Variants in SLC25A16 observed in about 807,000 individuals in gnomAD.
SLC25A16 encodes the protein solute carrier family 25 member 16, also known as mitochondrial coenzyme A transporter SLC25A16.
A neutral mutation model predicts 41.5 loss-of-function variants in SLC25A16; 39 were observed. That is an observed-to-expected ratio of 0.94 (90% CI 0.73 to 1.23). The LOEUF (loss-of-function observed/expected upper bound fraction) is 1.23, where lower values mean the gene tolerates loss of function less well. Ranked by LOEUF, SLC25A16 falls within the 50% of genes most tolerant of loss-of-function variation. SLC25A16 has a pLI of 0.00. For synonymous variants in SLC25A16, 146 were observed against 147.8 expected (o/e 0.99, Z 0.09); for missense variants, 421 against 426.9 (o/e 0.99, Z 0.12).
intron 3 of SLC25A16, among the ~76,000 whole-genome samples, chr10:68,505,339 T>A (rs963622799): frequency 1.3e-5 from 2 of 149,452 alleles, no homozygotes; most frequent in African/African-American, 4.9e-5. Context: ...ACAGAGAAAC[T>A]ATCTCAAAAA....
chr10:68,497,991 T>A (rs1169926954), intron 4 of SLC25A16, among the ~76,000 whole-genome samples: 1 of 152,130 alleles, frequency 6.6e-6, no homozygotes, highest in East Asian at 1.9e-4. Context: ...TCCTCCCTCC[T>A]TAGCCTCCCA....
chr10:68,509,264 G>A (rs1466022446), intron 2 of SLC25A16, among the ~76,000 whole-genome samples: 2 of 152,112 alleles, frequency 1.3e-5, no homozygotes, highest in African/African-American at 4.8e-5. Context: ...TTGAACCCGG[G>A]AGGTGGAGGT....
intron 2 of SLC25A16, 143 bp from the exon 3 acceptor site, chr10:68,506,861 AAC>A: frequency 2.0e-6 from 1 of 503,708 alleles, no homozygotes; most frequent in Non-Finnish European, 3.4e-6. Context: ...ATTTCTATAA[AAC>A]AGTTAAACCT....
chr10:68,500,752 G>T (rs1458450763), intron 4 of SLC25A16, among the ~76,000 whole-genome samples: 1 of 151,158 alleles, frequency 6.6e-6, no homozygotes, highest in Non-Finnish European at 1.5e-5. Context: ...CCAACATATT[G>T]AAACCCCCAT....
intron 1 of SLC25A16, among the ~76,000 whole-genome samples, chr10:68,518,538 G>A (rs939707826): frequency 6.6e-6 from 1 of 152,016 alleles, no homozygotes; most frequent in Admixed American, 6.6e-5. Context: ...CACTTTGGGA[G>A]GCCGAGGCGG....
intron 1 of SLC25A16, among the ~76,000 whole-genome samples, chr10:68,518,438 C>A (rs1417510789): frequency 6.6e-6 from 1 of 151,570 alleles, no homozygotes; most frequent in Non-Finnish European, 1.5e-5. Context: ...AAAGAAAACA[C>A]AAATAAAATT....
chr10:68,478,214 A>T lies in SLC25A16; in HGVS notation c.*5218T>A, dbSNP rs565627529. On this transcript the variant is annotated 3_prime_UTR_variant, in exon 9 of 9. Coordinates refer to ENST00000609923, the MANE Select transcript of SLC25A16 (RefSeq NM_152707.4). ...AGGCCTCGATTATTCCCATCTGTCAAAAAGAAATATTAAATGGTACTTATA... is the reference window on the plus strand; with the variant it reads ...AGGCCTCGATTATTCCCATCTGTCATAAAGAAATATTAAATGGTACTTATA... 3.2e-4 allele frequency: 48 copies of T among 152,338 alleles called. No individual in the cohort carries two copies. The highest frequency in any genetic ancestry group is 1.2e-3 in the African/African-American group (48 of 41,596). The allele number at this position is 152,338 out of a possible 1,614,324, so 9.4% of individuals were successfully genotyped here. A position where few individuals can be genotyped will look rare whatever the true frequency, so the allele number is the denominator to read the frequency against.
intron 1 of SLC25A16, among the ~76,000 whole-genome samples, chr10:68,518,908 G>T (rs1218265999): frequency 1.3e-5 from 2 of 151,894 alleles, no homozygotes; most frequent in Admixed American, 6.6e-5. Context: ...GAAAATAATA[G>T]TTGGCCAGGT....
intron 2 of SLC25A16, among the ~76,000 whole-genome samples, chr10:68,515,435 C>T (rs572413769): frequency 1.3e-4 from 20 of 150,788 alleles, no homozygotes; most frequent in South Asian, 6.3e-4. Context: ...TTAAATTAAG[C>T]GTTAAAAAGG....
chr10:68,510,802 C>A (rs2053049512), intron 2 of SLC25A16, among the ~76,000 whole-genome samples: 1 of 152,150 alleles, frequency 6.6e-6, no homozygotes, highest in Non-Finnish European at 1.5e-5. Flanking sequence ...CATGCCACTG[C>A]ACTCCCGCCT....
intron 1 of SLC25A16, chr10:68,517,100 A>G: frequency 3.5e-6 from 4 of 1,140,882 alleles, no homozygotes; most frequent in Non-Finnish European, 4.3e-6. Context: ...AAGGCTGGGA[A>G]TCTTGCTAAA....
At chr10:68,515,225 T>C (rs2053140772) in intron 2 of SLC25A16, among the ~76,000 whole-genome samples, 1 of 148,498 alleles carries the variant, frequency 6.7e-6, no homozygotes, top group Admixed American at 6.7e-5. Context: ...GGCGTGGTGG[T>C]GCATGCCTGT....
chr10:68,508,427 T>C (rs1320870578), intron 2 of SLC25A16, among the ~76,000 whole-genome samples: 1 of 95,916 alleles, frequency 1.0e-5, no homozygotes, highest in Non-Finnish European at 2.5e-5. Context: ...AAAAAAAGAA[T>C]TCTAGGCCAG....
intron 6 of SLC25A16, among the ~76,000 whole-genome samples, chr10:68,492,470 T>TA (rs989563856): frequency 1.2e-4 from 18 of 149,348 alleles, no homozygotes; most frequent in Middle Eastern, 3.5e-3. Flanking sequence ...AAGTTTAGTT[T>TA]AAAAAAAAAA....
At chr10:68,522,460 A>C (rs971523810) in intron 1 of SLC25A16, among the ~76,000 whole-genome samples, 7 of 152,032 alleles carry the variant, frequency 4.6e-5, no homozygotes, top group Non-Finnish European at 7.4e-5. Flanking sequence ...CAGGTGGATC[A>C]CTTAAGGTCA....
At chr10:68,484,359 A>G (rs967729655) in intron 8 of SLC25A16, among the ~76,000 whole-genome samples, 1 of 151,868 alleles carries the variant, frequency 6.6e-6, no homozygotes, top group Non-Finnish European at 1.5e-5. Context: ...TTCCTTTCAA[A>G]CCAATAATTT....
intron 4 of SLC25A16, among the ~76,000 whole-genome samples, chr10:68,499,292 C>A (rs2052801061): frequency 6.6e-6 from 1 of 152,208 alleles, no homozygotes; most frequent in African/African-American, 2.4e-5. Context: ...ACCGGAACAG[C>A]AAGTAGGAGC....
intron 4 of SLC25A16, among the ~76,000 whole-genome samples, chr10:68,501,584 G>C (rs144742584): frequency 3.3e-5 from 5 of 151,286 alleles, no homozygotes; most frequent in Non-Finnish European, 7.4e-5. Context: ...GGAGGGAAGA[G>C]GAGGGAAGGG....
rs2052961700 is a variant in SLC25A16 at position 68,506,716 on chromosome 10, C to A, written c.226G>T (p.Val76Leu). ...AHNHHYKHLG[V>L]FSALRAVPQK... is the part of the protein sequence containing the mutation. Reference sequence around the variant, plus strand: ...GGAACAGCACGCAATGCAGAAAATACTCCTATTTTTAGAGGAAAAATGCTG... The same window carrying A: ...GGAACAGCACGCAATGCAGAAAATAATCCTATTTTTAGAGGAAAAATGCTG... Residue 76 changes from valine to leucine, a missense_variant and splice_region_variant, in exon 3 of 9, where the codon GTA (valine) becomes TTA (leucine). Coordinates refer to ENST00000609923, the MANE Select transcript of SLC25A16 (RefSeq NM_152707.4). 3 of 1,561,630 alleles carry A rather than the reference C, an allele frequency of 1.9e-6. No individual in the cohort carries two copies. Among genetic ancestry groups the A allele is most frequent in the African/African-American group, 2.8e-5 (2 of 72,636 alleles).
Sources: allele counts gnomAD v4.1 joint callset (sites outside exome capture counted in the v4.1 genomes callset), GRCh38; gene constraint gnomAD v4.1.1; transcripts MANE v1.5; gene names NCBI Gene and HGNC (gene_info 2026-07-23, HGNC 2026-07-21).